Variants in DLG5 observed in about 807,000 individuals in gnomAD.
DLG5 encodes the protein disks large homolog 5.
In DLG5, 48 loss-of-function variants were observed where a neutral mutation model predicts 189.8. The observed-to-expected ratio is 0.25, with a 90% confidence interval of 0.20 to 0.32. The LOEUF (loss-of-function observed/expected upper bound fraction) is 0.32. DLG5 is among the 10% of genes least tolerant of loss of function. The probability of loss-of-function intolerance (pLI) is 1.00; values close to 1 mark genes in which losing one functional copy is unlikely to be tolerated. For synonymous variants in DLG5, 1,016 were observed against 1,054.1 expected (o/e 0.96, Z 0.70); for missense variants, 2,160 against 2,544.7 (o/e 0.85, Z 3.25).
intron 1 of DLG5, among the ~76,000 whole-genome samples, chr10:77,884,694 CTTT>C (rs1439424121): frequency 6.6e-6 from 1 of 152,182 alleles, no homozygotes; most frequent in Non-Finnish European, 1.5e-5. Flanking sequence ...CCATCGACTT[CTTT>C]TGAGGCCCCG....
At chr10:77,806,024 C>T (rs1015774698) in intron 26 of DLG5, 163 bp from the exon 27 acceptor site, 2 of 652,974 alleles carry the variant, frequency 3.1e-6, no homozygotes, top group Admixed American at 6.1e-5. Flanking sequence ...CCTGGGAACC[C>T]TCGGTACATG....
At chr10:77,846,898 C>CTCAT (rs1843723201) in intron 5 of DLG5, among the ~76,000 whole-genome samples, 2 of 152,110 alleles carry the variant, frequency 1.3e-5, no homozygotes, top group Non-Finnish European at 2.9e-5. Flanking sequence ...CAGAAACAAA[C>CTCAT]TCATTCCAAA....
At chr10:77,817,236 A>C in intron 18 of DLG5, 140 bp from the exon 19 acceptor site, 1 of 755,270 alleles carries the variant, frequency 1.3e-6, no homozygotes, top group Middle Eastern at 2.4e-4. Flanking sequence ...CTTGATATGG[A>C]ACAGTCAAGA....
intron 1 of DLG5, among the ~76,000 whole-genome samples, chr10:77,870,679 T>C (rs1176533930): frequency 6.6e-6 from 1 of 151,654 alleles, no homozygotes; most frequent in African/African-American, 2.4e-5. Flanking sequence ...AGTGAGATCC[T>C]GTCTCAGAAA....
At chr10:77,856,452 G>GA (rs1844230158) in intron 3 of DLG5, among the ~76,000 whole-genome samples, 1 of 87,708 alleles carries the variant, frequency 1.1e-5, no homozygotes, top group South Asian at 3.5e-4. Context: ...ACAGTGGTAG[G>GA]GACACACACA....
the DLG5 span, among the ~76,000 whole-genome samples, chr10:77,936,441 CAAAACAAAA>C: frequency 3.8e-4 from 33 of 87,838 alleles, no homozygotes; most frequent in South Asian, 1.9e-3. Flanking sequence ...CGTCTCAAAA[CAAAACAAAA>C]AAAAAAAAAA....
chr10:77,815,287 C>G (rs1841995183), intron 20 of DLG5, among the ~76,000 whole-genome samples: 1 of 152,234 alleles, frequency 6.6e-6, no homozygotes, highest in South Asian at 2.1e-4. Flanking sequence ...GGCCAGGCCT[C>G]TGTGTTTTGC....
At chr10:77,839,362 G>A (rs1001850177) in intron 7 of DLG5, among the ~76,000 whole-genome samples, 17 of 152,166 alleles carry the variant, frequency 1.1e-4, no homozygotes, top group South Asian at 8.3e-4. Flanking sequence ...TTAGCTGGGC[G>A]TACTGGCAAG....
intron 1 of DLG5, among the ~76,000 whole-genome samples, chr10:77,923,686 A>T (rs1469814483): frequency 6.6e-6 from 1 of 152,090 alleles, no homozygotes; most frequent in Non-Finnish European, 1.5e-5. Context: ...TGAGACCAGG[A>T]GGCGGAGGCT....
chr10:77,935,909 T>G, the DLG5 span, among the ~76,000 whole-genome samples: 6 of 152,250 alleles, frequency 3.9e-5, no homozygotes, highest in Non-Finnish European at 7.4e-5. Flanking sequence ...CTTCCAGAGT[T>G]TCTTAAAAGA....
intron 1 of DLG5, among the ~76,000 whole-genome samples, chr10:77,916,210 C>T (rs377200258): frequency 2.0e-5 from 3 of 152,236 alleles, no homozygotes; most frequent in Admixed American, 6.5e-5. Context: ...CAGAGCAAGA[C>T]CCTGTCTCAA....
At chr10:77,805,142 G>C (rs1568121113) in intron 27 of DLG5, among the ~76,000 whole-genome samples, 1 of 152,070 alleles carries the variant, frequency 6.6e-6, no homozygotes, top group Admixed American at 6.6e-5. Context: ...GCTAATTTTT[G>C]TATTTTTAAT....
At chr10:77,849,251 G>A (rs999374723) in intron 5 of DLG5, among the ~76,000 whole-genome samples, 1 of 152,194 alleles carries the variant, frequency 6.6e-6, no homozygotes, top group African/African-American at 2.4e-5. Context: ...ACCCTGCAAG[G>A]GCCTCTTCAA....
chr10:77,827,744 AAAC>A (rs370604428), intron 13 of DLG5, among the ~76,000 whole-genome samples: 9 of 152,304 alleles, frequency 5.9e-5, no homozygotes, highest in African/African-American at 2.2e-4. Flanking sequence ...ACATATAATC[AAAC>A]AACAGAATAC....
At chr10:77,937,460 G>A in the DLG5 span, among the ~76,000 whole-genome samples, 28 of 152,160 alleles carry the variant, frequency 1.8e-4, no homozygotes, top group Non-Finnish European at 3.5e-4. Flanking sequence ...ACCCTGTGCT[G>A]TTATTTTTCT....
chr10:77,834,038 T>C lies in DLG5; in HGVS notation c.1624A>G (p.Thr542Ala), dbSNP rs1283191624. The C allele has an allele frequency of 5.0e-6, 8 of 1,608,952 alleles. No individual in the cohort carries two copies. The highest frequency in any genetic ancestry group is 6.8e-6 in the Non-Finnish European group (8 of 1,179,540). ...KIVAERDSIR[T>A]LCDNLRRERD... ...TCCCGCCTCAGGTTGTCACACAGTG[T>C]CCTGGTGGAAGGAGCAGAGGACAAG... is the stretch of plus-strand genomic sequence containing the variant. Residue 542 changes from threonine (T) to alanine (A), a missense_variant and splice_region_variant, in exon 9 of 32, where the codon ACA (threonine) becomes GCA (alanine). Thr to Ala is a moderately conservative substitution (Grantham distance 58). Coordinates refer to ENST00000372391, the MANE Select transcript of DLG5 (RefSeq NM_004747.4).
chr10:77,825,374 C>CCACACTCACACACACA (rs1842574077), intron 13 of DLG5, among the ~76,000 whole-genome samples: 1 of 130,816 alleles, frequency 7.6e-6, no homozygotes, highest in Non-Finnish European at 1.6e-5. Flanking sequence ...CCACACACAA[C>CCACACTCACACACACA]CACACACACA....
At chr10:77,849,285 C>T (rs577235923) in intron 5 of DLG5, among the ~76,000 whole-genome samples, 11 of 152,374 alleles carry the variant, frequency 7.2e-5, no homozygotes, top group African/African-American at 1.7e-4. Context: ...GGGAGGAACC[C>T]GGCAACAAAA....
chr10:77,835,855 C>T lies in DLG5; in HGVS notation c.1505G>A (p.Cys502Tyr), dbSNP rs1313784673. 6.2e-7 allele frequency: 1 copy of T among 1,613,978 alleles called. No homozygotes were observed. Among genetic ancestry groups the T allele is most frequent in the African/African-American group, 1.3e-5 (1 of 74,914 alleles). Reference protein sequence around the residue: ...NKEVEILRKQCKALCQELKEA... With the variant: ...NKEVEILRKQYKALCQELKEA... The stretch of plus-strand genomic sequence containing the variant: ...CTTCAGCTCCTGGCACAGAGCCTTG[C>T]ACTGCTTTCGAAGGATTTCAACCTC... The change falls in exon 8 of 32, where the codon TGC becomes TAC. Residue 502 changes from cysteine (C) to tyrosine (Y), a missense_variant. Physicochemically the swap from Cys to Tyr is radical, Grantham distance 194. Around this residue, in one of 5 missense-constraint regions of DLG5, gnomAD observed 664 missense variants for 838.5 expected, o/e 0.79. Transcript: ENST00000372391.
Sources: allele counts gnomAD v4.1 joint callset (sites outside exome capture counted in the v4.1 genomes callset), GRCh38; gene constraint gnomAD v4.1.1; regional missense constraint gnomAD v4.1.1; transcripts MANE v1.5; gene names NCBI Gene and HGNC (gene_info 2026-07-23, HGNC 2026-07-21).